RBFOX1: variants seen among roughly 807,000 people sequenced by gnomAD.
The protein encoded by RBFOX1 is RNA binding fox-1 homolog 1.
In RBFOX1, 8 loss-of-function variants were observed where a neutral mutation model predicts 57.7. That is an observed-to-expected ratio of 0.14 (90% CI 0.08 to 0.25). The LOEUF is 0.25. Among genes scored for constraint, RBFOX1 ranks in the 10% least tolerant of loss-of-function variants. The pLI is 1.00. For synonymous variants in RBFOX1, 326 were observed against 222.4 expected, an observed-to-expected ratio of 1.47 and a Z score of -4.15; for missense variants, 611 against 548.5, an observed-to-expected ratio of 1.11 and a Z score of -1.14.
chr16:7,567,176 CCT>C (rs1567863697), intron 5 of RBFOX1, among the ~76,000 whole-genome samples: 2 of 145,268 alleles, frequency 1.4e-5, no homozygotes, highest in Non-Finnish European at 3.0e-5. Context: ...TATATATATC[CCT>C]ATATAAATAT....
intron 3 of RBFOX1, among the ~76,000 whole-genome samples, chr16:6,924,672 T>C (rs76789948): frequency 0.026 from 2,722 of 103,586 alleles, 78 homozygotes; most frequent in African/African-American, 0.079. Flanking sequence ...ACCTTTATTC[T>C]TTTTTTTTTA....
At position 5,651,153 on chromosome 16, in the gene RBFOX1, A is replaced by G. The variant is rs190172651; in HGVS notation, c.318+52192A>G. Among the ~76,000 whole-genome samples, 1,026 of 140,944 alleles carry G rather than the reference A, an allele frequency of 7.3e-3. 7 individuals are homozygous for G. Among genetic ancestry groups the G allele is most frequent in the African/African-American group, 0.025 (971 of 38,566 alleles). The allele number at this position is 140,944 out of a possible 152,430, so 92.5% of individuals were successfully genotyped here. On this transcript the variant is annotated intron_variant, in intron 3 of 19. Transcript: ENST00000641259. ...CTGCAACCTCTGCCTCCTGGGTTCAAGCGATTCTCCTGCTTCAGCCTCCTG... is the reference window on the plus strand; with the variant it reads ...CTGCAACCTCTGCCTCCTGGGTTCAGGCGATTCTCCTGCTTCAGCCTCCTG...
chr16:7,160,850 C>CCTCCTCCTT (rs1298240704), intron 4 of RBFOX1, among the ~76,000 whole-genome samples: 1 of 151,260 alleles, frequency 6.6e-6, no homozygotes, highest in Non-Finnish European at 1.5e-5. Flanking sequence ...TCCTCCTCCT[C>CCTCCTCCTT]CTCCTCCTTC....
chr16:7,316,594 A>G (rs1261686056), intron 4 of RBFOX1, among the ~76,000 whole-genome samples: 1 of 152,164 alleles, frequency 6.6e-6, no homozygotes, highest in Non-Finnish European at 1.5e-5. Flanking sequence ...TGTGGGAGAG[A>G]GACAGCCCAT....
At position 6,082,347 on chromosome 16, in the gene RBFOX1, A is replaced by ATTTTTTTTT. The variant is rs71142677; in HGVS notation, c.-127+62375_-127+62383dup. Among the ~76,000 whole-genome samples, 15 of 41,040 alleles carry ATTTTTTTTT rather than the reference A, an allele frequency of 3.7e-4. 1 individual carries two copies. Among genetic ancestry groups the ATTTTTTTTT allele is most frequent in the Non-Finnish European group, 4.5e-4 (10 of 22,144 alleles). 26.9% of individuals were successfully genotyped at this position (41,040 alleles called of 152,430 possible). On this transcript the variant is annotated intron_variant, in intron 1 of 15. Transcript: ENST00000550418. ...ATGTGCCTGTCACCACACCTGGCTA[A>ATTTTTTTTT]TTTTTTTTTTTTTTTTTTTTTTTTT...
At chr16:6,725,399 G>C (rs2066967312) in intron 3 of RBFOX1, among the ~76,000 whole-genome samples, 2 of 152,052 alleles carry the variant, frequency 1.3e-5, no homozygotes, top group African/African-American at 4.8e-5. Context: ...AGGTCTTTGT[G>C]ACCTGTACCT....
intron 4 of RBFOX1, among the ~76,000 whole-genome samples, chr16:5,971,507 A>C (rs2059961367): frequency 6.6e-6 from 1 of 152,182 alleles, no homozygotes; most frequent in African/African-American, 2.4e-5. Flanking sequence ...TATTTTTATG[A>C]TACAGACTCA....
intron 1 of RBFOX1, among the ~76,000 whole-genome samples, chr16:6,091,694 G>C (rs7193820): frequency 6.6e-6 from 1 of 152,092 alleles, no homozygotes; most frequent in African/African-American, 2.4e-5. Flanking sequence ...GCCAGGTGTG[G>C]TGTCAGGAGC....
At chr16:7,009,455 G>A (rs1163652235) in intron 3 of RBFOX1, among the ~76,000 whole-genome samples, 1 of 151,890 alleles carries the variant, frequency 6.6e-6, no homozygotes, top group East Asian at 2.0e-4. Context: ...CTAACACACG[G>A]CCATAGGAAT....
At chr16:7,408,115 C>G (rs1283609867) in intron 4 of RBFOX1, among the ~76,000 whole-genome samples, 1 of 152,246 alleles carries the variant, frequency 6.6e-6, no homozygotes, top group African/African-American at 2.4e-5. Context: ...GAACACAACA[C>G]TCTCACAACA....
intron 2 of RBFOX1, among the ~76,000 whole-genome samples, chr16:5,518,367 C>G (rs898611604): frequency 2.0e-5 from 3 of 151,998 alleles, no homozygotes; most frequent in Non-Finnish European, 4.4e-5. Flanking sequence ...TTTTTTGACC[C>G]TCACCATTGC....
At chr16:6,542,128 G>C (rs972388681) in intron 2 of RBFOX1, among the ~76,000 whole-genome samples, 8 of 151,966 alleles carry the variant, frequency 5.3e-5, no homozygotes, top group African/African-American at 1.5e-4. Context: ...CTATTGCTAT[G>C]TTGCCCAGCC....
At chr16:6,374,839 G>A (rs1466674740) in intron 2 of RBFOX1, among the ~76,000 whole-genome samples, 1 of 152,200 alleles carries the variant, frequency 6.6e-6, no homozygotes, top group Non-Finnish European at 1.5e-5. Flanking sequence ...GTGAACATGA[G>A]ATGGGAACAA....
At chr16:6,374,809 T>A (rs539609332) in intron 2 of RBFOX1, among the ~76,000 whole-genome samples, 8 of 152,326 alleles carry the variant, frequency 5.3e-5, no homozygotes, top group South Asian at 2.1e-4. Context: ...TGAAGTCAAA[T>A]CAATTTTTAT....
intron 1 of RBFOX1, among the ~76,000 whole-genome samples, chr16:6,174,152 G>A (rs533048967): frequency 3.3e-5 from 5 of 152,278 alleles, no homozygotes; most frequent in South Asian, 4.1e-4. Flanking sequence ...ATGAGTCGGC[G>A]TCATGTTGGG....
intron 1 of RBFOX1, among the ~76,000 whole-genome samples, chr16:5,414,532 G>A (rs2067110180): frequency 6.6e-6 from 1 of 152,138 alleles, no homozygotes; most frequent in Non-Finnish European, 1.5e-5. Context: ...AATTTGGGGG[G>A]CTGCTGTAGG....
intron 2 of RBFOX1, among the ~76,000 whole-genome samples, chr16:5,556,408 GC>G (rs1173348800): frequency 6.6e-6 from 1 of 152,208 alleles, no homozygotes; most frequent in Non-Finnish European, 1.5e-5. Context: ...TTGTTCTATG[GC>G]TTGAGTTCCC....
chr16:6,315,396 C>T (rs368301155), intron 1 of RBFOX1, among the ~76,000 whole-genome samples: 4 of 75,940 alleles, frequency 5.3e-5, no homozygotes, highest in African/African-American at 9.1e-5. Context: ...GTGGATGGAT[C>T]GATGGGTCTA....
chr16:5,676,209 C>G (rs922883582), intron 3 of RBFOX1, among the ~76,000 whole-genome samples: 1 of 151,034 alleles, frequency 6.6e-6, no homozygotes, highest in African/African-American at 2.4e-5. Flanking sequence ...TATACCTATG[C>G]GACAAACCTG....
Sources: allele counts gnomAD v4.1 joint callset (sites outside exome capture counted in the v4.1 genomes callset), GRCh38; gene constraint gnomAD v4.1.1; transcripts MANE v1.5; gene names NCBI Gene and HGNC (gene_info 2026-07-23, HGNC 2026-07-21).